SKA1: variants seen among roughly 807,000 people sequenced by gnomAD.
SKA1 encodes the protein SKA complex subunit 1.
SKA1 carries 20 observed loss-of-function variants against 31.8 expected under a neutral mutation model. That is an observed-to-expected ratio of 0.63 (90% confidence interval 0.44 to 0.91). The LOEUF (loss-of-function observed/expected upper bound fraction) is 0.91. Ranked by LOEUF, SKA1 falls within the 40% of genes least tolerant of loss-of-function variation. The pLI, the probability that SKA1 is intolerant of heterozygous loss-of-function variation, is 0.00. For missense variants in SKA1, 253 were observed against 298.2 expected (o/e 0.85, Z 1.12); for synonymous variants, 88 against 100.5 (o/e 0.88, Z 0.74).
At chr18:50,388,853 G>C (rs1022093968) in intron 5 of SKA1, among the ~76,000 whole-genome samples, 1 of 151,984 alleles carries the variant, frequency 6.6e-6, no homozygotes, top group Non-Finnish European at 1.5e-5. Context: ...GTGGTTCCTG[G>C]AAGTAAAACT....
At chr18:50,378,859 T>C (rs1177129426) in intron 2 of SKA1, among the ~76,000 whole-genome samples, 2 of 150,048 alleles carry the variant, frequency 1.3e-5, no homozygotes, top group African/African-American at 4.9e-5. Flanking sequence ...GAGTGTCAAA[T>C]GCAAGTAGTG....
chr18:50,389,532 A>C (rs1331802468), intron 5 of SKA1, among the ~76,000 whole-genome samples: 1 of 151,602 alleles, frequency 6.6e-6, no homozygotes, highest in Admixed American at 6.6e-5. Flanking sequence ...AGTAGCTGGG[A>C]CCACAGGCGT....
intron 5 of SKA1, among the ~76,000 whole-genome samples, chr18:50,390,133 T>C (rs1346249337): frequency 1.3e-5 from 2 of 152,042 alleles, no homozygotes; most frequent in Non-Finnish European, 2.9e-5. Context: ...AGAGCTGGGG[T>C]ATAAGAGTTT....
intron 5 of SKA1, among the ~76,000 whole-genome samples, 198 bp downstream of exon 5, chr18:50,385,551 G>A (rs1219362436): frequency 6.6e-6 from 1 of 152,206 alleles, no homozygotes; most frequent in Non-Finnish European, 1.5e-5. Flanking sequence ...GAGATCTAGA[G>A]ATGGATCAAT....
intron 5 of SKA1, among the ~76,000 whole-genome samples, chr18:50,389,858 A>T (rs182079318): frequency 1.3e-5 from 2 of 152,364 alleles, no homozygotes; most frequent in East Asian, 3.9e-4. Context: ...AAATGCTTCC[A>T]TAAAGAGCTA....
At chr18:50,386,907 G>A (rs1385349060) in intron 5 of SKA1, among the ~76,000 whole-genome samples, 1 of 152,100 alleles carries the variant, frequency 6.6e-6, no homozygotes, top group Non-Finnish European at 1.5e-5. Context: ...TGGATGTATT[G>A]GTTTGTTTAT....
At chr18:50,380,375 A>G in intron 3 of SKA1, 125 bp downstream of exon 3, 1 of 1,020,732 alleles carries the variant, frequency 9.8e-7, no homozygotes, top group Non-Finnish European at 1.3e-6. Context: ...ATGGTACAGT[A>G]TGCCATTTAT....
rs140749174 is a variant in SKA1, at chr18:50,392,185, C to T, written c.706C>T (p.Arg236Ter). 285 of 1,610,284 alleles carry T rather than the reference C, an allele frequency of 1.8e-4. No homozygotes were observed. Among genetic ancestry groups the T allele is most frequent in the Non-Finnish European group, 2.1e-4 (245 of 1,179,268 alleles). Residue 236 changes from arginine (R) to a stop codon, truncating the protein, a stop_gained, in exon 7 of 7, where the codon CGA becomes TGA. Coordinates refer to ENST00000285116, the MANE Select transcript of SKA1 (RefSeq NM_145060.4). LOFTEE classifies it high-confidence loss of function. Reference sequence around the variant, plus strand: ...GTTTCACGTGTTACTGAATATTTTACGACACTGCCGGAGGCTATCAGAGGT... The same window carrying T: ...GTTTCACGTGTTACTGAATATTTTATGACACTGCCGGAGGCTATCAGAGGT... Reference protein sequence around the residue: ...KKFHVLLNILRHCRRLSEVRG... With the variant: ...KKFHVLLNIL
Position 50,391,136 on chromosome 18 carries a change from C to T in SKA1, c.462C>T (p.Ser154=). ...EFNGVPSYMK[S]RLTYNQINDV... is the part of the protein sequence containing the mutation. Reference sequence around the variant, plus strand: ...TACTTTTTTACAGGTACATGAAATCCCGCTTAACCTATAATCAAATTAATG... The same window carrying T: ...TACTTTTTTACAGGTACATGAAATCTCGCTTAACCTATAATCAAATTAATG... Residue 154 remains serine (S), a synonymous_variant, in exon 6 of 7, where the codon TCC becomes TCT. Coordinates refer to ENST00000285116, the MANE Select transcript of SKA1 (RefSeq NM_145060.4). 2 of 1,519,790 alleles carry T rather than the reference C, an allele frequency of 1.3e-6. No homozygotes were observed. The highest frequency in any genetic ancestry group is 1.8e-6 in the Non-Finnish European group (2 of 1,130,596). The allele number at this position is 1,519,790 out of a possible 1,614,324, so 94.1% of individuals were successfully genotyped here.
chr18:50,390,424 GT>G (rs1296352195), intron 5 of SKA1, among the ~76,000 whole-genome samples: 1 of 152,168 alleles, frequency 6.6e-6, no homozygotes, highest in Non-Finnish European at 1.5e-5. Context: ...AGAGTCTCCT[GT>G]TTTTATATTG....
At chr18:50,382,770 C>T (rs1055783056) in intron 4 of SKA1, among the ~76,000 whole-genome samples, 2 of 152,168 alleles carry the variant, frequency 1.3e-5, no homozygotes, top group African/African-American at 4.8e-5. Context: ...CAGTGGCTCA[C>T]GCCTATAATC....
chr18:50,390,703 T>TC (rs2041349708), intron 5 of SKA1, among the ~76,000 whole-genome samples: 1 of 152,174 alleles, frequency 6.6e-6, no homozygotes, highest in Non-Finnish European at 1.5e-5. Flanking sequence ...CTCCTTTTTT[T>TC]CTCTTTCTTT....
At chr18:50,387,846 T>C (rs1165908465) in intron 5 of SKA1, among the ~76,000 whole-genome samples, 1 of 152,244 alleles carries the variant, frequency 6.6e-6, no homozygotes, top group African/African-American at 2.4e-5. Flanking sequence ...CCAAAATCTC[T>C]GTCATTTCTC....
At chr18:50,385,052 G>A (rs1337517345) in intron 4 of SKA1, among the ~76,000 whole-genome samples, 164 bp from the exon 5 acceptor site, 5 of 149,382 alleles carry the variant, frequency 3.3e-5, no homozygotes, top group Non-Finnish European at 7.4e-5. Flanking sequence ...TTCCTTCACC[G>A]TTTAATGTTC....
intron 6 of SKA1, 36 bp from the exon 7 acceptor site, chr18:50,392,063 C>T (rs760850771): frequency 6.7e-7 from 1 of 1,494,054 alleles, no homozygotes; most frequent in Non-Finnish European, 8.9e-7. Flanking sequence ...TGCAAGTTGG[C>T]CTTATAAAAA....
chr18:50,380,277 TA>T (rs745707410), intron 3 of SKA1, 27 bp downstream of exon 3: 30 of 1,528,888 alleles, frequency 2.0e-5, no homozygotes, highest in Non-Finnish European at 2.6e-5. Flanking sequence ...GAGGAAGCAG[TA>T]AAAAAGACAA....
intron 5 of SKA1, among the ~76,000 whole-genome samples, chr18:50,387,336 T>C (rs2041317694): frequency 6.6e-6 from 1 of 152,246 alleles, no homozygotes; most frequent in Non-Finnish European, 1.5e-5. Flanking sequence ...ACTGAGCATC[T>C]TTTCATATTG....
At chr18:50,388,840 G>A (rs2041332466) in intron 5 of SKA1, among the ~76,000 whole-genome samples, 1 of 152,108 alleles carries the variant, frequency 6.6e-6, no homozygotes, top group South Asian at 2.1e-4. Flanking sequence ...GGGGAAGGCA[G>A]GGGTGGTTCC....
chr18:50,383,441 C>G (rs901116966), intron 4 of SKA1, among the ~76,000 whole-genome samples: 8 of 152,314 alleles, frequency 5.3e-5, no homozygotes, highest in Non-Finnish European at 1.0e-4. Context: ...TTAATGCTCT[C>G]AAATGTCCAG....
Sources: gnomAD v4.1 joint callset for allele counts (sites outside exome capture counted in the v4.1 genomes callset) on GRCh38, gnomAD v4.1.1 for gene constraint, MANE v1.5 for transcripts, NCBI Gene and HGNC (gene_info 2026-07-23, HGNC 2026-07-21) for gene names.